CCT7: variants seen among roughly 807,000 people sequenced by gnomAD.
The protein encoded by CCT7 is chaperonin containing TCP1 subunit 7.
Under a neutral mutation model 56.6 loss-of-function variants are expected in CCT7, and 16 were observed. That is an observed-to-expected ratio of 0.28 (90% CI 0.19 to 0.43). The LOEUF is 0.43. Ranked by LOEUF, CCT7 falls within the 20% of genes least tolerant of loss-of-function variation. The pLI is 1.00. For synonymous variants in CCT7, 262 were observed against 254.8 expected, an observed-to-expected ratio of 1.03 and a Z score of -0.27; for missense variants, 519 against 685.6, an observed-to-expected ratio of 0.76 and a Z score of 2.71.
intron 1 of CCT7, 129 bp downstream of exon 1, chr2:73,234,513 T>A (rs1686772603): frequency 8.8e-7 from 1 of 1,142,724 alleles, no homozygotes; most frequent in Non-Finnish European, 1.3e-6. Context: ...GATCCCCAGC[T>A]TAGGGGCGAC....
At chr2:73,234,828 C>T (rs529157512) in intron 1 of CCT7, among the ~76,000 whole-genome samples, 43 of 152,314 alleles carry the variant, frequency 2.8e-4, no homozygotes, top group African/African-American at 1.0e-3. Flanking sequence ...ACATTGGGGA[C>T]CTCATATTGT....
chr2:73,252,823 G>A lies in CCT7; in HGVS notation c.1594G>A (p.Ala532Thr). Reference protein sequence around the residue: ...NPRSTVDAPTAAGRGRGRGRP... With the variant: ...NPRSTVDAPTTAGRGRGRGRP... ...CCGCTCGACTGTGGATGCTCCCACA[G>A]CAGCAGGCCGGGGCCGTGGTCGTGG... is the stretch of plus-strand genomic sequence containing the variant. Residue 532 changes from alanine to threonine, a missense_variant, in exon 12 of 12, where the codon GCA becomes ACA. Physicochemically the swap from Ala to Thr is moderately conservative, Grantham distance 58 (BLOSUM62 0). This residue lies in a region of CCT7 where 237 missense variants were observed against 300.8 expected (regional missense o/e 0.79). Transcript: ENST00000258091. The A allele has an allele frequency of 6.2e-7, 1 of 1,614,040 alleles. No homozygotes were observed. The highest frequency in any genetic ancestry group is 1.1e-5 in the South Asian group (1 of 91,076).
chr2:73,234,497 C>A, intron 1 of CCT7, 113 bp downstream of exon 1: 1 of 1,264,802 alleles, frequency 7.9e-7, no homozygotes, highest in Non-Finnish European at 1.1e-6. Flanking sequence ...CCTCTGTCCT[C>A]GCCCAGATCC....
At chr2:73,239,014 G>A (rs1298197946) in intron 1 of CCT7, 1 of 152,270 alleles carries the variant, frequency 6.6e-6, no homozygotes, top group Non-Finnish European at 1.5e-5. Flanking sequence ...TATTCAGCCA[G>A]CATGAGAGAT....
At chr2:73,241,993 G>A (rs962196971) in intron 3 of CCT7, among the ~76,000 whole-genome samples, 3 of 151,722 alleles carry the variant, frequency 2.0e-5, no homozygotes, top group Admixed American at 6.6e-5. Flanking sequence ...AGCCCGCCTC[G>A]GCCTCCCCAA....
At position 73,243,980 on chromosome 2, in the gene CCT7, A is replaced by C; in HGVS notation, c.394-17A>C. ...GTCTTTAGCATGAGAGACTCATTCA[A>C]CTTCTGTTCTTGGCAGGCAGTTAAC... On this transcript the variant is annotated splice_polypyrimidine_tract_variant and intron_variant, in intron 4 of 11. Coordinates refer to ENST00000258091, the MANE Select transcript of CCT7 (RefSeq NM_006429.4). 6.2e-7 allele frequency: 1 copy of C among 1,613,388 alleles called. No individual in the cohort carries two copies. Among genetic ancestry groups the C allele is most frequent in the Non-Finnish European group, 8.5e-7 (1 of 1,179,514 alleles).
At chr2:73,234,625 C>T (rs1159653353) in intron 1 of CCT7, among the ~76,000 whole-genome samples, 2 of 152,214 alleles carry the variant, frequency 1.3e-5, no homozygotes, top group East Asian at 1.9e-4. Flanking sequence ...CGGTTGGGGA[C>T]TACAAGTCCC....
In CCT7 at chr2:73,236,078, T is replaced by A. The variant is rs541461226; in HGVS notation, c.6+1694T>A. On this transcript the variant is annotated intron_variant, in intron 1 of 11. Coordinates refer to ENST00000258091, the MANE Select transcript of CCT7 (RefSeq NM_006429.4). The stretch of plus-strand genomic sequence containing the variant: ...TTGGCCCCTGATATTCTAGAATACT[T>A]CTGTAATCGAAAGAGAGGTGAAAAG... Among the ~76,000 whole-genome samples, 13 of 152,348 alleles carry A rather than the reference T, an allele frequency of 8.5e-5. 1 individual carries two copies. The South Asian group carries it at 2.5e-3, about 29-fold the overall frequency.
At chr2:73,245,526 G>T (rs1687298059) in intron 6 of CCT7, among the ~76,000 whole-genome samples, 1 of 152,208 alleles carries the variant, frequency 6.6e-6, no homozygotes, top group South Asian at 2.1e-4. Flanking sequence ...ATGGCAACAT[G>T]TAGCTAGTGG....
intron 3 of CCT7, among the ~76,000 whole-genome samples, chr2:73,241,949 C>T (rs1687135167): frequency 6.6e-6 from 1 of 151,946 alleles, no homozygotes; most frequent in Non-Finnish European, 1.5e-5. Flanking sequence ...CCATGTTGGC[C>T]AGGCTGGTCT....
chr2:73,249,228 G>T (rs747119830), intron 8 of CCT7, 49 bp downstream of exon 8: 28 of 1,447,248 alleles, frequency 1.9e-5, no homozygotes, highest in Admixed American at 1.6e-4. Flanking sequence ...GCCCTGAAGG[G>T]TTTTCACTGA....
intron 1 of CCT7, 69 bp from the exon 2 acceptor site, chr2:73,239,574 T>TC (rs140783329): frequency 0.022 from 31,120 of 1,420,724 alleles, 455 homozygotes; most frequent in Non-Finnish European, 0.025. Context: ...GGGAGCATTT[T>TC]CCCCTTTCCC....
chr2:73,250,268 C>T (rs2231436), intron 9 of CCT7, 38 bp from the exon 10 acceptor site: 3 of 1,611,658 alleles, frequency 1.9e-6, no homozygotes, highest in Non-Finnish European at 1.7e-6. Context: ...TGGTGGCAGA[C>T]AAGAGTTCAT....
chr2:73,241,865 C>T (rs1687131617), intron 3 of CCT7, among the ~76,000 whole-genome samples: 5 of 151,534 alleles, frequency 3.3e-5, no homozygotes, highest in South Asian at 2.1e-4. Context: ...CTCAGCCTCC[C>T]GAGTAGCTGA....
At position 73,237,285 on chromosome 2, in the gene CCT7, A is replaced by G. The variant is rs548553179; in HGVS notation, c.7-2358A>G. Among the ~76,000 whole-genome samples, 7 of 152,338 alleles carry G rather than the reference A, an allele frequency of 4.6e-5. No individual in the cohort carries two copies. In the East Asian group the frequency reaches 9.6e-4, roughly 21 times the overall value. ...GAAAGTGGTTTTGGTAGAAGATGGC[A>G]GAGTGACTATTTTAGATGGGGGTAC... is the stretch of plus-strand genomic sequence containing the variant. On this transcript the variant is annotated intron_variant, in intron 1 of 11. Transcript: ENST00000258091.
In CCT7 at chr2:73,245,660, C is replaced by G. The variant is rs372175664; in HGVS notation, c.618+945C>G. ...CTGGCCTGCTTTACTTATTACTCTT[C>G]GTCAGTGACCTCAACTGAAGCGATT... On this transcript the variant is annotated intron_variant, in intron 6 of 11. Coordinates refer to ENST00000258091, the MANE Select transcript of CCT7 (RefSeq NM_006429.4). Among the ~76,000 whole-genome samples, 3 of 152,286 alleles carry G rather than the reference C, an allele frequency of 2.0e-5. 1 individual carries two copies. The South Asian group carries it at 6.2e-4, about 32-fold the overall frequency.
intron 6 of CCT7, among the ~76,000 whole-genome samples, chr2:73,246,394 C>G (rs1395969895): frequency 6.6e-6 from 1 of 152,230 alleles, no homozygotes. Context: ...TGACTCCAGC[C>G]TGTCAATTAC....
intron 3 of CCT7, among the ~76,000 whole-genome samples, chr2:73,241,033 C>T (rs1314695449): frequency 5.5e-5 from 7 of 127,414 alleles, no homozygotes; most frequent in African/African-American, 1.5e-4. Context: ...CTACACCAGG[C>T]TTTTTTTTTT....
chr2:73,251,921 A>G (rs1332248631), intron 11 of CCT7, among the ~76,000 whole-genome samples: 1 of 150,980 alleles, frequency 6.6e-6, no homozygotes, highest in African/African-American at 2.5e-5. Context: ...CCCGGGTGGT[A>G]GTGTGAGACT....
Sources: gnomAD v4.1 joint callset for allele counts (sites outside exome capture counted in the v4.1 genomes callset) on GRCh38, gnomAD v4.1.1 for gene constraint, gnomAD v4.1.1 regional missense constraint, MANE v1.5 for transcripts, NCBI Gene and HGNC (gene_info 2026-07-23, HGNC 2026-07-21) for gene names.